The following R3HDM2 variants were observed in gnomAD, a reference collection of about 807,000 sequenced individuals.
The protein encoded by R3HDM2 is R3H domain containing 2, also known as R3H domain-containing protein 2.
In R3HDM2, 38 loss-of-function variants were observed where a neutral mutation model predicts 124.5. The observed-to-expected ratio is 0.31, with a 90% CI of 0.24 to 0.40. The LOEUF (loss-of-function observed/expected upper bound fraction) is 0.40. R3HDM2 is among the 10% of genes least tolerant of loss of function. The probability of loss-of-function intolerance (pLI) is 1.00; values close to 1 mark genes in which losing one functional copy is unlikely to be tolerated. For missense variants in R3HDM2, 869 were observed against 1,236.9 expected (o/e 0.70, Z 4.46); for synonymous variants, 391 against 448.0 (o/e 0.87, Z 1.61).
intron 2 of R3HDM2, among the ~76,000 whole-genome samples, chr12:57,335,996 T>G (rs2058805653): frequency 6.6e-6 from 1 of 151,614 alleles, no homozygotes; most frequent in African/African-American, 2.4e-5. Context: ...GAAAAAAAGC[T>G]CAATCTCACT....
chr12:57,406,956 T>C (rs1211749283), intron 1 of R3HDM2, among the ~76,000 whole-genome samples: 2 of 152,122 alleles, frequency 1.3e-5, no homozygotes, highest in Non-Finnish European at 2.9e-5. Context: ...GAAAGTCTTT[T>C]AGAAAAAGAG....
At chr12:57,403,534 C>CA (rs1361901056) in intron 1 of R3HDM2, among the ~76,000 whole-genome samples, 19 of 150,408 alleles carry the variant, frequency 1.3e-4, no homozygotes, top group African/African-American at 4.4e-4. Flanking sequence ...TGGGGCCTGG[C>CA]ATGGTGGCTC....
rs2038197417 is a variant in R3HDM2 at position 57,254,093 on chromosome 12, G to A, written c.*680C>T. The A allele has an allele frequency of 4.7e-6, 2 of 425,648 alleles. No individual in the cohort carries two copies. The highest frequency in any genetic ancestry group is 4.2e-5 in the African/African-American group (2 of 47,470). The allele number at this position is 425,648 out of a possible 1,614,324, so 26.4% of individuals were successfully genotyped here. Reference sequence around the variant, plus strand: ...TATTCATAAAGACCAAAAAAGGAAAGGAAGCTTGGGATGTTAAGGTAATAG... The same window carrying A: ...TATTCATAAAGACCAAAAAAGGAAAAGAAGCTTGGGATGTTAAGGTAATAG... On this transcript the variant is annotated 3_prime_UTR_variant, in exon 24 of 24. Coordinates refer to ENST00000402412, the MANE Select transcript of R3HDM2 (RefSeq NM_001394031.1).
At chr12:57,320,359 A>C (rs35032945) in intron 2 of R3HDM2, among the ~76,000 whole-genome samples, 65,619 of 148,888 alleles carry the variant, frequency 0.44, 15,365 homozygotes, top group Middle Eastern at 0.81. Flanking sequence ...TTAATAGTTT[A>C]TTTGGTATAG....
rs2067111167 is a variant in R3HDM2, at chr12:57,393,983, T to C, written c.-36+1766A>G. ...TAAACAGAAAGACATAATTCATCAC[T>C]AGCAGACCTACTCTACAAGAAATGG... On this transcript the variant is annotated intron_variant, in intron 2 of 23. Coordinates refer to ENST00000402412, the MANE Select transcript of R3HDM2 (RefSeq NM_001394031.1). 3.9e-5 allele frequency among the ~76,000 whole-genome samples: 6 copies of C among 152,142 alleles called. No individual in the cohort carries two copies. The South Asian group carries it at 1.2e-3, about 31-fold the overall frequency.
chr12:57,316,887 C>T (rs2055157737), intron 2 of R3HDM2, among the ~76,000 whole-genome samples: 1 of 151,890 alleles, frequency 6.6e-6, no homozygotes. Context: ...GCCGGGATTA[C>T]AGGCACGTGC....
At chr12:57,276,126 A>C (rs1286301440) in intron 14 of R3HDM2, among the ~76,000 whole-genome samples, 1 of 151,282 alleles carries the variant, frequency 6.6e-6, no homozygotes, top group Non-Finnish European at 1.5e-5. Flanking sequence ...CTGAGGCACG[A>C]GAATGGCATG....
chr12:57,266,603 G>T (rs1020929972), intron 19 of R3HDM2, 128 bp downstream of exon 19: 12 of 715,042 alleles, frequency 1.7e-5, no homozygotes, highest in Middle Eastern at 2.4e-4. Context: ...TTTTCTTTGT[G>T]ATGGAGTCAC....
intron 2 of R3HDM2, among the ~76,000 whole-genome samples, chr12:57,340,952 A>G (rs114028908): frequency 1.9e-4 from 29 of 152,308 alleles, no homozygotes; most frequent in African/African-American, 6.7e-4. Context: ...AGTATATATA[A>G]CAATTTCTTC....
At chr12:57,390,213 G>A (rs1384618379) in intron 2 of R3HDM2, among the ~76,000 whole-genome samples, 2 of 151,570 alleles carry the variant, frequency 1.3e-5, no homozygotes, top group East Asian at 1.9e-4. Flanking sequence ...AAAAATATAT[G>A]AAACAATAGT....
chr12:57,426,873 C>T (rs929393491), intron 1 of R3HDM2, among the ~76,000 whole-genome samples: 1 of 152,160 alleles, frequency 6.6e-6, no homozygotes, highest in African/African-American at 2.4e-5. Context: ...CAACTAATCA[C>T]GATGAAAAAT....
Position 57,268,976 on chromosome 12 carries a change from C to G in R3HDM2, c.1821G>C (p.Met607Ile), listed in dbSNP as rs760530093. Reference protein sequence around the residue: ...QGLLSSQRSSMGGQMQGLVVQ... With the variant: ...QGLLSSQRSSIGGQMQGLVVQ... ...CCACCAGGCCTTGCATCTGGCCCCC[C>G]ATGCTGCTCCTCTGGCTGCTGAGCA... The change falls in exon 17 of 24, where the codon ATG (methionine) becomes ATC (isoleucine). Residue 607 changes from methionine to isoleucine, a missense_variant. Physicochemically the swap from Met to Ile is conservative, Grantham distance 10. This residue lies in a region of R3HDM2 where 602 missense variants were observed against 789.2 expected (regional missense o/e 0.76). Coordinates refer to ENST00000402412, the MANE Select transcript of R3HDM2 (RefSeq NM_001394031.1). 3 of 1,614,236 alleles carry G rather than the reference C, an allele frequency of 1.9e-6. No individual in the cohort carries two copies. The highest frequency in any genetic ancestry group is 8.5e-7 in the Non-Finnish European group (1 of 1,180,050).
In R3HDM2 at chr12:57,283,859, C is replaced by T; in HGVS notation, c.1136G>A (p.Ser379Asn). 2 of 1,614,220 alleles carry T rather than the reference C, an allele frequency of 1.2e-6. No homozygotes were observed. The highest frequency in any genetic ancestry group is 1.7e-6 in the Non-Finnish European group (2 of 1,180,044). ...GATCCTTCCCGCACTGCCGCCTTTA[C>T]TGCTGCCGATGCTGTCACCTCGGGT... ...ILTRGDSIGSSKGGSAGRISR... is the reference protein window; with the variant it reads ...ILTRGDSIGSNKGGSAGRISR... The change falls in exon 13 of 24, where the codon AGT becomes AAT. Residue 379 changes from serine (S) to asparagine (N), a missense_variant. Physicochemically the swap from Ser to Asn is conservative, Grantham distance 46. Around this residue, in one of 2 missense-constraint regions of R3HDM2, gnomAD observed 602 missense variants for 789.2 expected, o/e 0.76. Transcript: ENST00000402412.
chr12:57,428,896 G>A (rs1050934710), intron 1 of R3HDM2, among the ~76,000 whole-genome samples: 12 of 151,942 alleles, frequency 7.9e-5, no homozygotes, highest in African/African-American at 2.9e-4. Flanking sequence ...ACAGGTGCCT[G>A]CCACCACGCC....
chr12:57,297,169 T>C, intron 8 of R3HDM2, 159 bp downstream of exon 8: 4 of 540,416 alleles, frequency 7.4e-6, no homozygotes, highest in East Asian at 3.2e-5. Context: ...GCTGAAAAGA[T>C]ATAAATTATT....
intron 3 of R3HDM2, among the ~76,000 whole-genome samples, chr12:57,308,466 C>T (rs2053218635): frequency 6.6e-6 from 1 of 151,036 alleles, no homozygotes. Context: ...GGGCAGATCA[C>T]CTGAGGTCAG....
At position 57,303,776 on chromosome 12, in the gene R3HDM2, C is replaced by G. The variant is rs201049554; in HGVS notation, c.166-559G>C. ...CAGCCTGGGTGATAAGAGCCAGACC[C>G]TGTTTCAAAAACCAAACAACAAAAA... On this transcript the variant is annotated intron_variant, in intron 3 of 23. Coordinates refer to ENST00000402412, the MANE Select transcript of R3HDM2 (RefSeq NM_001394031.1). 1.1e-4 allele frequency among the ~76,000 whole-genome samples: 16 copies of G among 151,922 alleles called. No individual in the cohort carries two copies. In the East Asian group the frequency reaches 3.1e-3, roughly 29 times the overall value.
In R3HDM2 at chr12:57,300,199, C is replaced by A; in HGVS notation, c.208-18G>T. The A allele has an allele frequency of 6.5e-7, 1 of 1,536,682 alleles. No homozygotes were observed. Among genetic ancestry groups the A allele is most frequent in the Non-Finnish European group, 8.8e-7 (1 of 1,133,878 alleles). ...GAATTAGACTGAAAAAAACAAAAAACAATTTTCAATTTTTTTAATGTATCT... is the reference window on the plus strand; with the variant it reads ...GAATTAGACTGAAAAAAACAAAAAAAAATTTTCAATTTTTTTAATGTATCT... On this transcript the variant is annotated intron_variant, in intron 4 of 23. Transcript: ENST00000402412.
intron 1 of R3HDM2, among the ~76,000 whole-genome samples, chr12:57,413,057 G>A (rs940646526): frequency 7.2e-5 from 11 of 152,184 alleles, no homozygotes; most frequent in Non-Finnish European, 1.5e-5. Context: ...GGAGGCTGAG[G>A]CAGGAGAATT....
Sources: allele counts gnomAD v4.1 joint callset (sites outside exome capture counted in the v4.1 genomes callset), GRCh38; gene constraint gnomAD v4.1.1; regional missense constraint gnomAD v4.1.1; transcripts MANE v1.5; gene names NCBI Gene and HGNC (gene_info 2026-07-23, HGNC 2026-07-21).